PEX14: variants seen among roughly 807,000 people sequenced by gnomAD.
PEX14 encodes the protein peroxisomal membrane protein PEX14.
Under a neutral mutation model 49.5 loss-of-function variants are expected in PEX14, and 15 were observed. The ratio of observed to expected loss-of-function variants is 0.30; its 90% CI spans 0.20 to 0.47. The LOEUF (loss-of-function observed/expected upper bound fraction) is 0.47, where lower values mean the gene tolerates loss of function less well. Ranked by LOEUF, PEX14 falls within the 20% of genes least tolerant of loss-of-function variation. The pLI is 1.00. For missense variants in PEX14, 398 were observed against 494.8 expected, an observed-to-expected ratio of 0.80 and a Z score of 1.86; for synonymous variants, 210 against 212.7, an observed-to-expected ratio of 0.99 and a Z score of 0.11.
intron 7 of PEX14, among the ~76,000 whole-genome samples, chr1:10,625,818 G>T (rs1213063552): frequency 6.6e-6 from 1 of 152,256 alleles, no homozygotes; most frequent in Non-Finnish European, 1.5e-5. Flanking sequence ...TTAAGAAGCA[G>T]TGGGGGCCCG....
intron 5 of PEX14, among the ~76,000 whole-genome samples, chr1:10,620,953 C>A (rs1641571325): frequency 6.6e-6 from 1 of 152,210 alleles, no homozygotes; most frequent in Non-Finnish European, 1.5e-5. Context: ...AATGCCCTGG[C>A]TGTAATGAGC....
chr1:10,589,780 T>G (rs909212834), intron 3 of PEX14, among the ~76,000 whole-genome samples: 1 of 152,198 alleles, frequency 6.6e-6, no homozygotes, highest in Non-Finnish European at 1.5e-5. Context: ...GTCAAAGGTA[T>G]GAACATTTTT....
chr1:10,629,753 G>T lies in PEX14; in HGVS notation c.900G>T (p.Glu300Asp). Reference protein sequence around the residue: ...YHLLGPQEEGEGVVDVKGQVR... With the variant: ...YHLLGPQEEGDGVVDVKGQVR... The stretch of plus-strand genomic sequence containing the variant: ...TGCTGGGCCCCCAGGAGGAAGGCGA[G>T]GGGGTGGTGGACGTCAAGGGCCAGG... The change falls in exon 9 of 9, where the codon GAG (glutamate) becomes GAT (aspartate). Residue 300 changes from glutamate (E) to aspartate (D), a missense_variant. By Grantham distance (45) the Glu-to-Asp change is conservative. Transcript: ENST00000356607. This position sits in a 1 kb window ranked among gnomAD's most constrained non-coding sequence, Gnocchi z 8.5. 1 of 1,588,148 alleles carries T rather than the reference G, an allele frequency of 6.3e-7. No homozygotes were observed. The highest frequency in any genetic ancestry group is 2.3e-5 in the East Asian group (1 of 43,442).
rs57249989 is a variant in PEX14, at chr1:10,496,949, A to G, written c.84+1628A>G. 8.2e-3 allele frequency among the ~76,000 whole-genome samples: 1,244 copies of G among 151,726 alleles called. 19 individuals are homozygous for G. Among genetic ancestry groups the G allele is most frequent in the African/African-American group, 0.029 (1,187 of 41,394 alleles). ...TAATTGCTCAGAGGAAAGAAAACAC[A>G]TAGCGGCAATTTATATATATATATA... is the stretch of plus-strand genomic sequence containing the variant. On this transcript the variant is annotated intron_variant, in intron 2 of 8. Transcript: ENST00000356607.
chr1:10,509,351 C>T (rs1318942085), intron 2 of PEX14, among the ~76,000 whole-genome samples: 2 of 152,200 alleles, frequency 1.3e-5, no homozygotes, highest in South Asian at 2.1e-4. Flanking sequence ...AATAGTGGCA[C>T]ATCATTTGAC....
chr1:10,625,293 A>G (rs1009997802), intron 7 of PEX14, among the ~76,000 whole-genome samples: 1 of 152,054 alleles, frequency 6.6e-6, no homozygotes, highest in Non-Finnish European at 1.5e-5. Context: ...CAGAACACCC[A>G]CTGGCTCCTC....
chr1:10,581,880 G>A (rs1640332222), intron 3 of PEX14, among the ~76,000 whole-genome samples: 1 of 151,258 alleles, frequency 6.6e-6, no homozygotes, highest in African/African-American at 2.4e-5. Flanking sequence ...TAAGACTATA[G>A]TAATTTTATA....
rs529042278 is a variant in PEX14, at chr1:10,506,983, A to G, written c.84+11662A>G. Among the ~76,000 whole-genome samples the G allele has an allele frequency of 4.6e-5, 7 of 152,358 alleles. No individual in the cohort carries two copies. The East Asian group carries it at 1.2e-3, about 25-fold the overall frequency. On this transcript the variant is annotated intron_variant, in intron 2 of 8. Transcript: ENST00000356607. Reference sequence around the variant, plus strand: ...GTTCCATTTTTGATTCCCTGCTTTAACTGATTTTTTGATTAACCGAACAAT... The same window carrying G: ...GTTCCATTTTTGATTCCCTGCTTTAGCTGATTTTTTGATTAACCGAACAAT...
intron 1 of PEX14, among the ~76,000 whole-genome samples, 186 bp downstream of exon 1, chr1:10,475,188 C>T (rs1205516388): frequency 2.0e-5 from 3 of 151,590 alleles, no homozygotes; most frequent in Non-Finnish European, 4.4e-5. Context: ...GGTGACCCCT[C>T]TTTGACCACA....
chr1:10,587,806 A>G (rs1640538440), intron 3 of PEX14, among the ~76,000 whole-genome samples: 1 of 151,840 alleles, frequency 6.6e-6, no homozygotes, highest in South Asian at 2.1e-4. Flanking sequence ...AAGATAACCT[A>G]ATTAAAAATA....
rs35743829 is a variant in PEX14 at position 10,586,628 on chromosome 1, C to CTTTT, written c.170-12584_170-12581dup. On this transcript the variant is annotated intron_variant, in intron 3 of 8. Transcript: ENST00000356607. ...ATGTTGAACAAAAGGAGCCGTTTAC[C>CTTTT]TTTTTTTTTTTTTTTTTTTTTTTTT... 4.4e-4 allele frequency among the ~76,000 whole-genome samples: 41 copies of CTTTT among 93,050 alleles called. 1 individual carries two copies. The highest frequency in any genetic ancestry group is 1.6e-3 in the East Asian group (5 of 3,170). The allele number at this position is 93,050 out of a possible 152,430, so 61.0% of individuals were successfully genotyped here.
chr1:10,519,373 AAGAG>A lies in PEX14; in HGVS notation c.85-16835_85-16832del, dbSNP rs1381582835. Among the ~76,000 whole-genome samples the A allele has an allele frequency of 1.2e-4, 18 of 152,212 alleles. No homozygotes were observed. In the East Asian group the frequency reaches 3.5e-3, roughly 29 times the overall value. ...GAAAAGCAAACAGAATGCTCTTTGG[AAGAG>A]AGAGTGCTTAAGAGGGAGAGCGGGG... On this transcript the variant is annotated intron_variant, in intron 2 of 8. Transcript: ENST00000356607.
At chr1:10,599,110 C>T (rs957579292) in intron 3 of PEX14, 128 bp from the exon 4 acceptor site, 41 of 911,454 alleles carry the variant, frequency 4.5e-5, no homozygotes, top group African/African-American at 1.1e-4. Flanking sequence ...AATCTGAAAT[C>T]GGGGAGGCAA....
chr1:10,482,908 A>G (rs1383452216), intron 1 of PEX14, among the ~76,000 whole-genome samples: 1 of 152,134 alleles, frequency 6.6e-6, no homozygotes, highest in African/African-American at 2.4e-5. Flanking sequence ...AGTCTGGACT[A>G]CTTGTTTTGT....
chr1:10,492,145 A>G (rs1023255906), intron 1 of PEX14, among the ~76,000 whole-genome samples: 1 of 152,358 alleles, frequency 6.6e-6, no homozygotes, highest in Admixed American at 6.5e-5. Context: ...TTTAAAAGGT[A>G]CTAAAGGGTT....
Position 10,482,797 on chromosome 1 carries a change from C to T in PEX14, c.36+7795C>T, listed in dbSNP as rs143805537. Among the ~76,000 whole-genome samples the T allele has an allele frequency of 5.7e-3, 861 of 152,294 alleles. 13 individuals are homozygous for T. Among genetic ancestry groups the T allele is most frequent in the African/African-American group, 0.02 (829 of 41,544 alleles). On this transcript the variant is annotated intron_variant, in intron 1 of 8. Coordinates refer to ENST00000356607, the MANE Select transcript of PEX14 (RefSeq NM_004565.3). ...TTTAGGGTCATTACAAATAGTACTGCTGTGAAAATACCTGTACGTGTCTTT... is the reference window on the plus strand; with the variant it reads ...TTTAGGGTCATTACAAATAGTACTGTTGTGAAAATACCTGTACGTGTCTTT...
intron 2 of PEX14, among the ~76,000 whole-genome samples, chr1:10,508,310 C>G (rs1641823325): frequency 6.6e-6 from 1 of 152,100 alleles, no homozygotes; most frequent in Admixed American, 6.5e-5. Flanking sequence ...GGATTCATGC[C>G]ATTCTCCTGC....
At chr1:10,505,460 C>CT (rs890287157) in intron 2 of PEX14, among the ~76,000 whole-genome samples, 3 of 152,070 alleles carry the variant, frequency 2.0e-5, no homozygotes, top group East Asian at 1.9e-4. Context: ...AAAACACAAT[C>CT]TTTTTTCCCC....
chr1:10,502,370 C>G (rs1315034736), intron 2 of PEX14, among the ~76,000 whole-genome samples: 2 of 152,150 alleles, frequency 1.3e-5, no homozygotes, highest in East Asian at 3.8e-4. Context: ...TGGTTATGAT[C>G]TCTAGGCCAC....
Sources: gnomAD v4.1 joint callset for allele counts (sites outside exome capture counted in the v4.1 genomes callset) on GRCh38, gnomAD v4.1.1 for gene constraint, Gnocchi (gnomAD v3.1) non-coding constraint, MANE v1.5 for transcripts, NCBI Gene and HGNC (gene_info 2026-07-23, HGNC 2026-07-21) for gene names.